SEMA6A: variants seen among roughly 807,000 people sequenced by gnomAD.
The protein encoded by SEMA6A is semaphorin 6A, also known as semaphorin-6A.
A neutral mutation model predicts 96.8 loss-of-function variants in SEMA6A; 25 were observed. The ratio of observed to expected loss-of-function variants is 0.26; its 90% confidence interval spans 0.19 to 0.36. The LOEUF (loss-of-function observed/expected upper bound fraction) is 0.36, where lower values mean the gene tolerates loss of function less well. Among genes scored for constraint, SEMA6A ranks in the 10% least tolerant of loss-of-function variants. The pLI is 1.00. For missense variants in SEMA6A, 1,363 were observed against 1,323.1 expected, an observed-to-expected ratio of 1.03 and a Z score of -0.47; for synonymous variants, 612 against 518.0, an observed-to-expected ratio of 1.18 and a Z score of -2.46.
intron 3 of SEMA6A, 92 bp downstream of exon 3, chr5:116,502,118 C>A: frequency 4.3e-6 from 4 of 939,862 alleles, no homozygotes; most frequent in South Asian, 1.5e-5. Context: ...ATTTAGAAAC[C>A]TCAAGATCTT....
chr5:116,481,221 G>A (rs1756747419), intron 11 of SEMA6A, among the ~76,000 whole-genome samples: 1 of 152,186 alleles, frequency 6.6e-6, no homozygotes, highest in African/African-American at 2.4e-5. Context: ...GGTATTGGTT[G>A]AGTGACACCA....
intron 16 of SEMA6A, among the ~76,000 whole-genome samples, chr5:116,473,971 C>A (rs573465431): frequency 1.2e-4 from 18 of 152,246 alleles, no homozygotes; most frequent in African/African-American, 4.3e-4. Context: ...TGCTTGACCA[C>A]TAAGATTACT....
intron 1 of SEMA6A, among the ~76,000 whole-genome samples, chr5:116,531,906 C>T (rs1759492457): frequency 6.6e-6 from 1 of 152,130 alleles, no homozygotes; most frequent in African/African-American, 2.4e-5. Context: ...CACTCTGGCT[C>T]ATACCCCTGC....
At chr5:116,538,678 C>G (rs1021828822) in intron 1 of SEMA6A, among the ~76,000 whole-genome samples, 6 of 152,142 alleles carry the variant, frequency 3.9e-5, no homozygotes, top group African/African-American at 1.4e-4. Flanking sequence ...TTAGTAGCTA[C>G]TCTTTGTGTA....
Position 116,496,309 on chromosome 5 carries a change from A to C in SEMA6A, c.284T>G (p.Leu95Arg), listed in dbSNP as rs1757598240. Residue 95 changes from leucine to arginine, a missense_variant, in exon 5 of 19, where the codon CTG (leucine) becomes CGG (arginine). This residue lies in a region of SEMA6A where 480 missense variants were observed against 559.5 expected (regional missense o/e 0.86). Coordinates refer to ENST00000343348, the MANE Select transcript of SEMA6A (RefSeq NM_020796.5). ...HTEEIYCSKK[L>R]TWKSRQADVD... ...ATCGGCCTGTCTAGATTTCCATGTCAGTTTCTGCAGGGATCAAGAAAGAAA... is the reference window on the plus strand; with the variant it reads ...ATCGGCCTGTCTAGATTTCCATGTCCGTTTCTGCAGGGATCAAGAAAGAAA... 1 of 1,613,418 alleles carries C rather than the reference A, an allele frequency of 6.2e-7. No individual in the cohort carries two copies. Among genetic ancestry groups the C allele is most frequent in the Non-Finnish European group, 8.5e-7 (1 of 1,179,636 alleles).
Position 116,446,654 on chromosome 5 carries a change from G to C in SEMA6A, c.3052C>G (p.Pro1018Ala). The C allele has an allele frequency of 6.5e-7, 1 of 1,534,664 alleles. No individual in the cohort carries two copies. Among genetic ancestry groups the C allele is most frequent in the Admixed American group, 2.0e-5 (1 of 50,098 alleles). ...TTGGGCTTCATGGATGTGGAAAGGG[G>C]AGCAAAGGATGGTTTGGGGGGTACG... ...PDVPPKPSFA[P>A]LSTSMKPNDA... Residue 1018 changes from proline (P) to alanine (A), a missense_variant, in exon 19 of 19, where the codon CCC becomes GCC. Pro to Ala is a conservative substitution (Grantham distance 27, BLOSUM62 -1). Coordinates refer to ENST00000343348, the MANE Select transcript of SEMA6A (RefSeq NM_020796.5).
At chr5:116,500,269 C>T (rs912894767) in intron 3 of SEMA6A, among the ~76,000 whole-genome samples, 8 of 152,150 alleles carry the variant, frequency 5.3e-5, no homozygotes, top group African/African-American at 1.9e-4. Flanking sequence ...CAGCATAGTA[C>T]AGGGAATGAC....
rs569285722 is a variant in SEMA6A at position 116,533,379 on chromosome 5, C to T, written c.-38-28397G>A. Among the ~76,000 whole-genome samples the T allele has an allele frequency of 4.6e-5, 7 of 151,840 alleles. No homozygotes were observed. In the South Asian group the frequency reaches 1.2e-3, roughly 27 times the overall value. On this transcript the variant is annotated intron_variant, in intron 1 of 18. Coordinates refer to ENST00000343348, the MANE Select transcript of SEMA6A (RefSeq NM_020796.5). ...GTGGGATTTCTTACACCTTTTTAGTCAGACCTACTTAGCTGCCTTTTGCAT... is the reference window on the plus strand; with the variant it reads ...GTGGGATTTCTTACACCTTTTTAGTTAGACCTACTTAGCTGCCTTTTGCAT...
rs1393532594 is a variant in SEMA6A at position 116,447,002 on chromosome 5, T to C, written c.2704A>G (p.Lys902Glu). The change falls in exon 19 of 19, where the codon AAG (lysine) becomes GAG (glutamate). Residue 902 changes from lysine (K) to glutamate (E), a missense_variant. By Grantham distance (56) the Lys-to-Glu change is moderately conservative (BLOSUM62 1). Coordinates refer to ENST00000343348, the MANE Select transcript of SEMA6A (RefSeq NM_020796.5). Reference sequence around the variant, plus strand: ...GAGGAGTGGTGCATTTCCAGCCGCTTGCTTAGACCGGTCTGAGACAGGGAG... The same window carrying C: ...GAGGAGTGGTGCATTTCCAGCCGCTCGCTTAGACCGGTCTGAGACAGGGAG... ...GASLSQTGLS[K>E]RLEMHHSSSY... is the part of the protein sequence containing the mutation. 1.9e-6 allele frequency: 3 copies of C among 1,613,918 alleles called. No individual in the cohort carries two copies. Among genetic ancestry groups the C allele is most frequent in the East Asian group, 2.2e-5 (1 of 44,838 alleles).
At chr5:116,502,934 A>T (rs1334109133) in intron 2 of SEMA6A, among the ~76,000 whole-genome samples, 1 of 152,230 alleles carries the variant, frequency 6.6e-6, no homozygotes, top group Non-Finnish European at 1.5e-5. Flanking sequence ...ACAATTTCAC[A>T]GAGATGTGGG....
chr5:116,492,301 T>TAA (rs34404636), intron 6 of SEMA6A: 16 of 125,452 alleles, frequency 1.3e-4, no homozygotes, highest in Middle Eastern at 3.9e-3. Context: ...GTAACTAACC[T>TAA]AAAAAAAAAA....
chr5:116,509,520 T>C (rs187684896), intron 1 of SEMA6A, among the ~76,000 whole-genome samples: 12 of 152,190 alleles, frequency 7.9e-5, no homozygotes, highest in Admixed American at 4.6e-4. Flanking sequence ...GGATATGAAA[T>C]GTAATAGTCT....
chr5:116,501,923 T>C (rs2112766444), intron 3 of SEMA6A, among the ~76,000 whole-genome samples: 1 of 152,312 alleles, frequency 6.6e-6, no homozygotes, highest in South Asian at 2.1e-4. Context: ...GAGCAGAGCA[T>C]TCTAATGGGT....
rs974273339 is a variant in SEMA6A, at chr5:116,555,808, G to C, written c.-39+18377C>G. ...TGCCATGCTACTACACTTCAGCTTG[G>C]GCAACAGGAGACCAGTCTCTAAAAG... is the stretch of plus-strand genomic sequence containing the variant. On this transcript the variant is annotated intron_variant, in intron 1 of 18. Transcript: ENST00000343348. Among the ~76,000 whole-genome samples, 3 of 152,106 alleles carry C rather than the reference G, an allele frequency of 2.0e-5. No individual in the cohort carries two copies. In the South Asian group the frequency reaches 6.2e-4, roughly 32 times the overall value.
At chr5:116,551,147 T>C (rs1760386217) in intron 1 of SEMA6A, among the ~76,000 whole-genome samples, 1 of 152,074 alleles carries the variant, frequency 6.6e-6, no homozygotes, top group Non-Finnish European at 1.5e-5. Flanking sequence ...ATACAGGTCA[T>C]GACCAAATAG....
chr5:116,482,638 A>T (rs75364470), intron 10 of SEMA6A, 63 bp from the exon 11 acceptor site: 1 of 1,568,490 alleles, frequency 6.4e-7, no homozygotes, highest in Admixed American at 1.7e-5. Context: ...GGTTTGGAAC[A>T]TACTCCAGAG....
intron 3 of SEMA6A, among the ~76,000 whole-genome samples, chr5:116,501,907 A>G (rs1243913214): frequency 1.3e-5 from 2 of 152,218 alleles, no homozygotes; most frequent in African/African-American, 4.8e-5. Context: ...CAAACAGAGT[A>G]TTAAGGAGCA....
intron 10 of SEMA6A, among the ~76,000 whole-genome samples, chr5:116,482,907 T>C (rs565526612): frequency 1.3e-5 from 2 of 152,352 alleles, no homozygotes; most frequent in Non-Finnish European, 2.9e-5. Flanking sequence ...GTACTAATTA[T>C]CAGTTAATGA....
In SEMA6A at chr5:116,502,210, C is replaced by A; in HGVS notation, c.218G>T (p.Arg73Met). Residue 73 changes from arginine to methionine, a missense_variant and splice_region_variant, in exon 3 of 19, where the codon AGG becomes ATG. Around this residue, in one of 2 missense-constraint regions of SEMA6A, gnomAD observed 480 missense variants for 559.5 expected, o/e 0.86. Transcript: ENST00000343348. The stretch of plus-strand genomic sequence containing the variant: ...CAGACATGGGGAAAAGGCCCCTTAC[C>A]TAGCAGCAATGTAGAGGGTTCCGTT... ...IMNGTLYIAARDHIYTVDIDT... is the reference protein window; with the variant it reads ...IMNGTLYIAAMDHIYTVDIDT... 6.2e-7 allele frequency: 1 copy of A among 1,613,480 alleles called. No homozygotes were observed. Among genetic ancestry groups the A allele is most frequent in the Non-Finnish European group, 8.5e-7 (1 of 1,179,434 alleles).
Sources: allele counts gnomAD v4.1 joint callset (sites outside exome capture counted in the v4.1 genomes callset), GRCh38; gene constraint gnomAD v4.1.1; regional missense constraint gnomAD v4.1.1; transcripts MANE v1.5; gene names NCBI Gene and HGNC (gene_info 2026-07-23, HGNC 2026-07-21).